Variants in RAD51B observed in about 807,000 individuals in gnomAD.
RAD51B encodes the protein DNA repair protein RAD51 homolog 2.
RAD51B carries 38 observed loss-of-function variants against 42.2 expected under a neutral mutation model. That is an observed-to-expected ratio of 0.90 (90% CI 0.70 to 1.18). The LOEUF is 1.18. Ranked by LOEUF, RAD51B falls within the 50% of genes most tolerant of loss-of-function variation. The pLI, the probability that RAD51B is intolerant of heterozygous loss-of-function variation, is 0.00. For missense variants in RAD51B, 373 were observed against 400.7 expected (o/e 0.93, Z 0.59); for synonymous variants, 154 against 145.2 (o/e 1.06, Z -0.43).
chr14:68,196,327 G>C (rs1232279305), intron 7 of RAD51B, among the ~76,000 whole-genome samples: 1 of 152,180 alleles, frequency 6.6e-6, no homozygotes, highest in African/African-American at 2.4e-5. Context: ...AAGCCAGGGT[G>C]ATAGGTTTAT....
intron 9 of RAD51B, among the ~76,000 whole-genome samples, chr14:68,438,283 T>C (rs1252858166): frequency 6.6e-6 from 1 of 152,014 alleles, no homozygotes; most frequent in Non-Finnish European, 1.5e-5. Flanking sequence ...GGAAGAGTTA[T>C]GAGATGGTTA....
At chr14:68,393,464 C>T (rs185442732) in intron 8 of RAD51B, among the ~76,000 whole-genome samples, 25 of 152,320 alleles carry the variant, frequency 1.6e-4, no homozygotes, top group African/African-American at 4.8e-4. Flanking sequence ...CATCTTCTAT[C>T]CCCTGGGGTA....
intron 7 of RAD51B, among the ~76,000 whole-genome samples, chr14:68,103,953 G>T (rs954021768): frequency 5.3e-5 from 8 of 152,104 alleles, no homozygotes; most frequent in Non-Finnish European, 1.0e-4. Flanking sequence ...TAGGGTTGTG[G>T]CTTGCCAGGC....
intron 7 of RAD51B, among the ~76,000 whole-genome samples, chr14:67,904,950 A>G (rs532461933): frequency 1.4e-5 from 2 of 145,680 alleles, no homozygotes; most frequent in Non-Finnish European, 3.0e-5. Flanking sequence ...TTTTTTTTCA[A>G]TTGCTTTTGG....
intron 7 of RAD51B, among the ~76,000 whole-genome samples, chr14:68,233,365 A>C (rs1241614826): frequency 6.6e-6 from 1 of 152,188 alleles, no homozygotes; most frequent in East Asian, 1.9e-4. Flanking sequence ...TGCTGATTAC[A>C]TTATTTTGTC....
chr14:68,439,513 C>T (rs1373169975), intron 9 of RAD51B, among the ~76,000 whole-genome samples: 1 of 152,066 alleles, frequency 6.6e-6, no homozygotes, highest in African/African-American at 2.4e-5. Flanking sequence ...AGATACAGGT[C>T]TACATAAGCA....
intron 9 of RAD51B, chr14:68,421,997 C>T: frequency 6.6e-7 from 1 of 1,515,670 alleles, no homozygotes. Context: ...GGTGACTTCA[C>T]AGTCACCACC....
At chr14:68,644,370 G>A (rs552169617) in intron 10 of RAD51B, among the ~76,000 whole-genome samples, 60 of 152,284 alleles carry the variant, frequency 3.9e-4, no homozygotes, top group Middle Eastern at 3.4e-3. Context: ...ATGGCCACAG[G>A]CTCTACCTCT....
chr14:68,470,635 GAGAGA>G (rs2086100343), intron 10 of RAD51B: 29 of 495,318 alleles, frequency 5.9e-5, no homozygotes, highest in South Asian at 4.6e-4. Context: ...AACAGAGAGA[GAGAGA>G]AGACAGAAGA....
At chr14:68,629,053 A>G (rs1210135771) in intron 10 of RAD51B, among the ~76,000 whole-genome samples, 3 of 152,094 alleles carry the variant, frequency 2.0e-5, no homozygotes. Context: ...CAGGAAGGCC[A>G]TCACCCCTGG....
intron 10 of RAD51B, among the ~76,000 whole-genome samples, chr14:68,609,494 G>A (rs1159649045): frequency 6.6e-6 from 1 of 152,156 alleles, no homozygotes; most frequent in East Asian, 1.9e-4. Context: ...CGAGAGCAGA[G>A]GATGTCCCCA....
At chr14:68,008,237 G>T (rs2075623921) in intron 7 of RAD51B, among the ~76,000 whole-genome samples, 1 of 151,800 alleles carries the variant, frequency 6.6e-6, no homozygotes, top group African/African-American at 2.4e-5. Flanking sequence ...TCAGCAAGAG[G>T]ATGGTTAATT....
intron 1 of RAD51B, 26 bp from the exon 2 acceptor site, chr14:67,823,516 T>C: frequency 6.2e-7 from 1 of 1,601,126 alleles, no homozygotes; most frequent in Non-Finnish European, 8.5e-7. Flanking sequence ...TTTTCATGGT[T>C]CTTCTTTTCT....
chr14:67,980,534 C>T (rs1479227299), intron 7 of RAD51B, among the ~76,000 whole-genome samples: 4 of 152,090 alleles, frequency 2.6e-5, no homozygotes, highest in Non-Finnish European at 5.9e-5. Context: ...AGGGTATTGG[C>T]ATAAAGATAG....
At chr14:68,324,107 G>A (rs933034365) in intron 8 of RAD51B, among the ~76,000 whole-genome samples, 5 of 152,196 alleles carry the variant, frequency 3.3e-5, no homozygotes, top group African/African-American at 1.2e-4. Context: ...AGGTGTACAT[G>A]CTATAATTTA....
chr14:68,230,082 G>A (rs1239167827), intron 7 of RAD51B, among the ~76,000 whole-genome samples: 3 of 152,200 alleles, frequency 2.0e-5, no homozygotes, highest in African/African-American at 7.2e-5. Flanking sequence ...GCACTGAGAA[G>A]GCACAGAGGA....
chr14:68,017,132 A>G (rs530678038), intron 7 of RAD51B, among the ~76,000 whole-genome samples: 1 of 152,246 alleles, frequency 6.6e-6, no homozygotes, highest in Admixed American at 6.5e-5. Flanking sequence ...TTGTCACAAA[A>G]CCAAATTCTA....
At chr14:68,008,604 A>G (rs556723404) in intron 7 of RAD51B, among the ~76,000 whole-genome samples, 2 of 152,110 alleles carry the variant, frequency 1.3e-5, no homozygotes, top group East Asian at 1.9e-4. Flanking sequence ...TATAAATAAG[A>G]TAGATTAAAT....
chr14:68,493,783 G>T (rs1401074326), intron 10 of RAD51B, among the ~76,000 whole-genome samples: 1 of 152,180 alleles, frequency 6.6e-6, no homozygotes, highest in East Asian at 1.9e-4. Flanking sequence ...GGGAATTTTG[G>T]AGTTTGTATA....
Sources: allele counts gnomAD v4.1 joint callset (sites outside exome capture counted in the v4.1 genomes callset), GRCh38; gene constraint gnomAD v4.1.1; transcripts MANE v1.5; gene names NCBI Gene and HGNC (gene_info 2026-07-23, HGNC 2026-07-21).